ZNF438: variants seen among roughly 807,000 people sequenced by gnomAD.
ZNF438 encodes zinc finger protein 438.
In ZNF438, 25 loss-of-function variants were observed where a neutral mutation model predicts 38.0. The ratio of observed to expected loss-of-function variants is 0.66; its 90% CI spans 0.48 to 0.92. ZNF438 has a LOEUF of 0.92. Among genes scored for constraint, ZNF438 ranks in the 40% least tolerant of loss-of-function variants. The probability of loss-of-function intolerance (pLI) is 0.00; values close to 1 mark genes in which losing one functional copy is unlikely to be tolerated. For synonymous variants in ZNF438, 372 were observed against 364.1 expected (o/e 1.02, Z -0.25); for missense variants, 1,007 against 999.6 (o/e 1.01, Z -0.10).
chr10:30,892,515 C>G (rs1015271503), intron 3 of ZNF438, among the ~76,000 whole-genome samples: 1 of 151,614 alleles, frequency 6.6e-6, no homozygotes, highest in Non-Finnish European at 1.5e-5. Context: ...ACTTACATTG[C>G]TACAGTCTTC....
At chr10:30,998,509 C>T (rs772575424) in intron 1 of ZNF438, among the ~76,000 whole-genome samples, 38 of 123,738 alleles carry the variant, frequency 3.1e-4, no homozygotes, top group Non-Finnish European at 5.2e-4. Context: ...CGCCCCTGCA[C>T]TCCAGCCTGG....
intron 1 of ZNF438, among the ~76,000 whole-genome samples, chr10:30,995,588 C>T (rs949405790): frequency 3.9e-5 from 6 of 152,146 alleles, no homozygotes; most frequent in South Asian, 2.1e-4. Context: ...AAGGAAATTA[C>T]GTACATTATT....
At chr10:30,934,211 T>C (rs1338118667) in intron 2 of ZNF438, among the ~76,000 whole-genome samples, 3 of 150,696 alleles carry the variant, frequency 2.0e-5, no homozygotes, top group Non-Finnish European at 2.9e-5. Context: ...CTCTTTGGGA[T>C]GTACCGAGTT....
chr10:30,887,237 T>C (rs1817426456), intron 3 of ZNF438, among the ~76,000 whole-genome samples: 1 of 152,206 alleles, frequency 6.6e-6, no homozygotes, highest in Non-Finnish European at 1.5e-5. Flanking sequence ...TCCTACCTTG[T>C]CTTTCCTGGG....
chr10:30,850,384 A>G lies in ZNF438; in HGVS notation c.38-17T>C. On this transcript the variant is annotated splice_polypyrimidine_tract_variant and intron_variant, in intron 4 of 5. Transcript: ENST00000413025. The stretch of plus-strand genomic sequence containing the variant: ...TTGATTCACCTGCAATGACAATAAA[A>G]TATAAAGAGTTACTGTATGTAACTG... The G allele has an allele frequency of 1.2e-6, 2 of 1,601,866 alleles. No individual in the cohort carries two copies. Among genetic ancestry groups the G allele is most frequent in the Admixed American group, 1.7e-5 (1 of 58,964 alleles).
chr10:30,900,609 C>T (rs888358622), intron 3 of ZNF438, among the ~76,000 whole-genome samples: 2 of 152,134 alleles, frequency 1.3e-5, no homozygotes, highest in African/African-American at 4.8e-5. Flanking sequence ...TTATGATCCC[C>T]ATTTTACATA....
chr10:30,960,799 GATATAA>G (rs151234262), intron 1 of ZNF438, among the ~76,000 whole-genome samples: 13,460 of 146,302 alleles, frequency 0.092, 2,191 homozygotes, highest in Non-Finnish European at 0.13. Context: ...AGACAAGATA[GATATAA>G]ATATAAAAAT....
rs2056131618 is a variant in ZNF438, at chr10:31,015,627, G to C, written c.-192+16206C>G. On this transcript the variant is annotated intron_variant, in intron 1 of 5. Coordinates refer to ENST00000413025, the Ensembl canonical transcript of ZNF438. ...CCACTGCACTCCAGCCTGGGTGGCA[G>C]AGTGAGACTCTGTCTCAAAAACAAA... 2.0e-5 allele frequency among the ~76,000 whole-genome samples: 3 copies of C among 152,228 alleles called. No individual in the cohort carries two copies. In the South Asian group the frequency reaches 6.2e-4, roughly 32 times the overall value.
chr10:31,030,786 C>T (rs2057238107), intron 1 of ZNF438, among the ~76,000 whole-genome samples: 1 of 152,166 alleles, frequency 6.6e-6, no homozygotes. Flanking sequence ...ACTACTAGTC[C>T]CGGAGTTTGA....
At chr10:31,014,217 T>C (rs1016419083) in intron 1 of ZNF438, among the ~76,000 whole-genome samples, 6 of 152,176 alleles carry the variant, frequency 3.9e-5, no homozygotes, top group South Asian at 2.1e-4. Flanking sequence ...GTTAGGAGCA[T>C]AGGCTTTGTC....
intron 4 of ZNF438, among the ~76,000 whole-genome samples, chr10:30,853,514 T>C (rs766139873): frequency 2.0e-5 from 3 of 152,168 alleles, no homozygotes; most frequent in Admixed American, 6.5e-5. Context: ...GGGAGGAGCA[T>C]TGGCTACTCC....
intron 5 of ZNF438, 67 bp from the exon 7 acceptor site, chr10:30,845,640 G>A: frequency 6.5e-7 from 1 of 1,534,682 alleles, no homozygotes; most frequent in Non-Finnish European, 8.8e-7. Flanking sequence ...TTTCCTCTCA[G>A]CTGTCAGCCT....
chr10:31,029,240 C>T (rs1190586506), intron 1 of ZNF438, among the ~76,000 whole-genome samples: 1 of 152,154 alleles, frequency 6.6e-6, no homozygotes, highest in African/African-American at 2.4e-5. Context: ...TGGTTCCTTG[C>T]ACATATAATT....
At chr10:30,848,448 C>T (rs2032796278) in intron 5 of ZNF438, 83 bp downstream of exon 6, 1 of 1,481,378 alleles carries the variant, frequency 6.8e-7, no homozygotes, top group Non-Finnish European at 9.1e-7. Context: ...TTTATAAACT[C>T]TCCTTTCTGA....
chr10:31,025,070 A>G (rs1432995568), intron 1 of ZNF438, among the ~76,000 whole-genome samples: 1 of 152,236 alleles, frequency 6.6e-6, no homozygotes, highest in Non-Finnish European at 1.5e-5. Flanking sequence ...AAATTAGCTC[A>G]GCTATCCAAC....
chr10:30,871,410 T>C (rs964159013), intron 4 of ZNF438, among the ~76,000 whole-genome samples: 7 of 152,348 alleles, frequency 4.6e-5, no homozygotes, highest in Non-Finnish European at 8.8e-5. Context: ...ATTTTATACA[T>C]AATTTAATAT....
chr10:30,851,579 A>C (rs2033640130), intron 4 of ZNF438, among the ~76,000 whole-genome samples: 1 of 152,274 alleles, frequency 6.6e-6, no homozygotes, highest in Admixed American at 6.5e-5. Context: ...AGATGCGTGT[A>C]CTAAATGTTA....
intron 1 of ZNF438, among the ~76,000 whole-genome samples, chr10:30,985,040 C>T (rs2052615483): frequency 1.3e-5 from 2 of 152,158 alleles, no homozygotes; most frequent in South Asian, 4.1e-4. Flanking sequence ...GTGTGAGATG[C>T]ATGTGCAATG....
chr10:30,953,671 A>C (rs11008314), intron 1 of ZNF438, among the ~76,000 whole-genome samples: 2,385 of 29,544 alleles, frequency 0.081, 54 homozygotes, highest in African/African-American at 0.41. Context: ...CACACACACA[A>C]AAAAAAAACA....
Sources: allele counts gnomAD v4.1 joint callset (sites outside exome capture counted in the v4.1 genomes callset), GRCh38; gene constraint gnomAD v4.1.1; transcripts MANE v1.5; gene names NCBI Gene and HGNC (gene_info 2026-07-23, HGNC 2026-07-21).